MPDZ: variants seen among roughly 807,000 people sequenced by gnomAD.
MPDZ encodes multiple PDZ domain crumbs cell polarity complex component.
A neutral mutation model predicts 239.1 loss-of-function variants in MPDZ; 234 were observed. The ratio of observed to expected loss-of-function variants is 0.98; its 90% CI spans 0.88 to 1.09. MPDZ has a LOEUF of 1.09. Ranked by LOEUF, MPDZ falls within the 50% of genes least tolerant of loss-of-function variation. The probability of loss-of-function intolerance (pLI) is 0.00; values close to 1 mark genes in which losing one functional copy is unlikely to be tolerated. For synonymous variants in MPDZ, 1,048 were observed against 881.3 expected (o/e 1.19, Z -3.35); for missense variants, 3,175 against 2,510.0 (o/e 1.26, Z -5.66).
chr9:13,126,795 G>A lies in MPDZ; in HGVS notation c.4465-23C>T, dbSNP rs769900534. On this transcript the variant is annotated intron_variant, in intron 32 of 46. Transcript: ENST00000319217. Reference sequence around the variant, plus strand: ...ATCCTAGAAAAGTAAAAACAAAAATGCTCAGAAGACTTGAAACAGATTAAT... The same window carrying A: ...ATCCTAGAAAAGTAAAAACAAAAATACTCAGAAGACTTGAAACAGATTAAT... 8.2e-6 allele frequency: 13 copies of A among 1,587,330 alleles called. No individual in the cohort carries two copies. The African/African-American group carries it at 1.6e-4, about 20-fold the overall frequency.
chr9:13,109,841 A>G (rs1369604469), intron 45 of MPDZ, 111 bp downstream of exon 45: 5 of 808,668 alleles, frequency 6.2e-6, no homozygotes, highest in Non-Finnish European at 1.0e-5. Flanking sequence ...CATATATCCT[A>G]TCATTTTACC....
At position 13,175,857 on chromosome 9, in the gene MPDZ, C is replaced by T; in HGVS notation, c.2950G>A (p.Glu984Lys). Residue 984 changes from glutamate to lysine, a missense_variant, in exon 21 of 47, where the codon GAA (glutamate) becomes AAA (lysine). Physicochemically the swap from Glu to Lys is moderately conservative, Grantham distance 56 (BLOSUM62 1). Coordinates refer to ENST00000319217, the MANE Select transcript of MPDZ (RefSeq NM_001378778.1). ...SAGKGSEYLLEQSSLACNAEC... is the reference protein window; with the variant it reads ...SAGKGSEYLLKQSSLACNAEC... ...GCATTACAGGCCAGGGAGCTCTGTT[C>T]AAGCAGGTACTCAGAGCCCTTTAAG... 1 of 1,594,036 alleles carries T rather than the reference C, an allele frequency of 6.3e-7. No individual in the cohort carries two copies. Among genetic ancestry groups the T allele is most frequent in the Non-Finnish European group, 8.5e-7 (1 of 1,170,090 alleles).
chr9:13,214,505 G>A (rs555402755), intron 10 of MPDZ, among the ~76,000 whole-genome samples: 64 of 152,054 alleles, frequency 4.2e-4, no homozygotes, highest in Non-Finnish European at 7.7e-4. Context: ...GGTAGTGAAC[G>A]CACAACTCTG....
chr9:13,119,753 T>C, intron 38 of MPDZ, 104 bp from the exon 39 acceptor site: 1 of 1,394,066 alleles, frequency 7.2e-7, no homozygotes, highest in Non-Finnish European at 1.0e-6. Context: ...CTTGTTTTTA[T>C]GACTTTAAAA....
rs1465885879 is a variant in MPDZ, at chr9:13,136,084, A to C, written c.4383+8T>G. On this transcript the variant is annotated splice_region_variant and intron_variant, in intron 31 of 46. Transcript: ENST00000319217. ...CTTCCCAGAGAAACAAACATAAGTT[A>C]CATATACCTCCTTATTTTGAAGATT... 2 of 1,570,332 alleles carry C rather than the reference A, an allele frequency of 1.3e-6. No individual in the cohort carries two copies. The highest frequency in any genetic ancestry group is 8.7e-7 in the Non-Finnish European group (1 of 1,142,858).
At chr9:13,176,058 AAG>A in intron 20 of MPDZ, 76 bp downstream of exon 20, 6 of 1,454,900 alleles carry the variant, frequency 4.1e-6, no homozygotes, top group Non-Finnish European at 5.5e-6. Flanking sequence ...ATTCCAAATG[AAG>A]AGATTAGCCA....
chr9:13,157,357 G>T (rs1168839296), intron 24 of MPDZ, among the ~76,000 whole-genome samples: 1 of 152,098 alleles, frequency 6.6e-6, no homozygotes, highest in Non-Finnish European at 1.5e-5. Context: ...GTTCCTTGAG[G>T]CAGGATTTGC....
chr9:13,166,483 C>T (rs1477823043), intron 22 of MPDZ, among the ~76,000 whole-genome samples: 1 of 151,940 alleles, frequency 6.6e-6, no homozygotes, highest in Non-Finnish European at 1.5e-5. Context: ...GCATTTGAAT[C>T]AGAGTATCTT....
intron 1 of MPDZ, chr9:13,276,886 C>A (rs1333815968): frequency 1.3e-5 from 2 of 152,162 alleles, no homozygotes; most frequent in African/African-American, 4.8e-5. Flanking sequence ...GCTTTTAAAT[C>A]CCTTAATCTC....
intron 1 of MPDZ, chr9:13,278,944 G>A (rs11788311): frequency 0.42 from 63,262 of 151,878 alleles, 16,062 homozygotes; most frequent in Middle Eastern, 0.59. Flanking sequence ...TCTGCGCTCC[G>A]GGCCCCCAGG....
In MPDZ at chr9:13,135,911, T is replaced by C. The variant is rs1338940605; in HGVS notation, c.4383+181A>G. 3 of 492,020 alleles carry C rather than the reference T, an allele frequency of 6.1e-6. No individual in the cohort carries two copies. The East Asian group carries it at 9.6e-5, about 16-fold the overall frequency. The allele number at this position is 492,020 out of a possible 1,614,324, so 30.5% of individuals were successfully genotyped here. A position where few individuals can be genotyped will look rare whatever the true frequency, so the allele number is the denominator to read the frequency against. On this transcript the variant is annotated intron_variant, in intron 31 of 46. Transcript: ENST00000319217. ...AGGCAGACTACAAGTACTCTTCACA[T>C]AAGTGGTATGCTTATTTCCATGAGT...
At position 13,198,733 on chromosome 9, in the gene MPDZ, CTCTCTGTGTGTGTGTGTGTGTG is replaced by C. The variant is rs1481659008; in HGVS notation, c.1547-2525_1547-2504del. Among the ~76,000 whole-genome samples the C allele has an allele frequency of 4.6e-3, 408 of 89,508 alleles. 4 individuals are homozygous for C. The highest frequency in any genetic ancestry group is 0.014 in the South Asian group (40 of 2,798). The allele number at this position is 89,508 out of a possible 152,430, so 58.7% of individuals were successfully genotyped here. Reference sequence around the variant, plus strand: ...TCTTATATTTAGGTCTTTAATCTCTCTCTCTGTGTGTGTGTGTGTGTGTGTGTGTGTGTGTGTGTGTGTGTGT... The same window carrying C: ...TCTTATATTTAGGTCTTTAATCTCTCTGTGTGTGTGTGTGTGTGTGTGTGT... On this transcript the variant is annotated intron_variant, in intron 12 of 46. Coordinates refer to ENST00000319217, the MANE Select transcript of MPDZ (RefSeq NM_001378778.1).
At chr9:13,190,515 AAT>A (rs1283483895) in intron 15 of MPDZ, among the ~76,000 whole-genome samples, 2 of 152,188 alleles carry the variant, frequency 1.3e-5, no homozygotes, top group Non-Finnish European at 2.9e-5. Context: ...AAACATTAAA[AAT>A]ATATGATTCA....
At chr9:13,236,655 T>C (rs933776261) in intron 3 of MPDZ, among the ~76,000 whole-genome samples, 1 of 151,994 alleles carries the variant, frequency 6.6e-6, no homozygotes, top group East Asian at 1.9e-4. Flanking sequence ...TTTGGGAATA[T>C]ACTTAGGTAA....
chr9:13,259,310 G>C (rs558472068), intron 1 of MPDZ, among the ~76,000 whole-genome samples: 88 of 151,782 alleles, frequency 5.8e-4, no homozygotes, highest in Non-Finnish European at 1.1e-3. Flanking sequence ...CTCCAGCCTG[G>C]GCAACAGAGC....
At chr9:13,193,374 A>C (rs1408005451) in intron 13 of MPDZ, 61 bp from the exon 14 acceptor site, 1 of 1,498,950 alleles carries the variant, frequency 6.7e-7, no homozygotes, top group Non-Finnish European at 8.9e-7. Context: ...TTACTCATGC[A>C]CACATTTTAT....
rs1362920366 is a variant in MPDZ at position 13,126,598 on chromosome 9, GA to G, written c.4558-9del. 1.2e-6 allele frequency: 2 copies of G among 1,607,524 alleles called. No homozygotes were observed. The highest frequency in any genetic ancestry group is 1.7e-6 in the Non-Finnish European group (2 of 1,176,536). ...GACTTTGAGTCGTCCATCCTAAATGGAAACGTAGAAGAATTTGAGTGATATT... is the reference window on the plus strand; with the variant it reads ...GACTTTGAGTCGTCCATCCTAAATGGAACGTAGAAGAATTTGAGTGATATT... On this transcript the variant is annotated splice_polypyrimidine_tract_variant and intron_variant, in intron 33 of 46. Transcript: ENST00000319217.
chr9:13,264,827 T>A (rs532944107), intron 1 of MPDZ, among the ~76,000 whole-genome samples: 4 of 152,292 alleles, frequency 2.6e-5, no homozygotes, highest in Non-Finnish European at 5.9e-5. Context: ...ACATGGTGAC[T>A]GAGGGGAAAG....
chr9:13,261,994 A>G (rs950381909), intron 1 of MPDZ, among the ~76,000 whole-genome samples: 1 of 152,032 alleles, frequency 6.6e-6, no homozygotes, highest in Non-Finnish European at 1.5e-5. Flanking sequence ...ATAGTGAGCT[A>G]TCATCACGCC....
Sources: gnomAD v4.1 joint callset for allele counts (sites outside exome capture counted in the v4.1 genomes callset) on GRCh38, gnomAD v4.1.1 for gene constraint, MANE v1.5 for transcripts, NCBI Gene and HGNC (gene_info 2026-07-23, HGNC 2026-07-21) for gene names.